PRR5: variants seen among roughly 807,000 people sequenced by gnomAD.
The protein encoded by PRR5 is proline-rich protein 5.
A neutral mutation model predicts 30.6 loss-of-function variants in PRR5; 25 were observed. The observed-to-expected ratio is 0.82, with a 90% confidence interval of 0.60 to 1.14. The LOEUF (loss-of-function observed/expected upper bound fraction) is 1.14. Ranked by LOEUF, PRR5 falls within the 50% of genes most tolerant of loss-of-function variation. PRR5 has a pLI of 0.00. For missense variants in PRR5, 600 were observed against 547.1 expected (o/e 1.10, Z -0.96); for synonymous variants, 286 against 247.1 (o/e 1.16, Z -1.48).
At chr22:44,683,958 G>T (rs552279115) in intron 1 of PRR5, among the ~76,000 whole-genome samples, 17 of 152,260 alleles carry the variant, frequency 1.1e-4, no homozygotes, top group Non-Finnish European at 1.6e-4. Flanking sequence ...CAGGAACAGG[G>T]GCTGGGCCCC....
At chr22:44,704,079 C>T (rs1400485125) in intron 1 of PRR5, among the ~76,000 whole-genome samples, 1 of 152,198 alleles carries the variant, frequency 6.6e-6, no homozygotes, top group Non-Finnish European at 1.5e-5. Context: ...GATAACAGTG[C>T]CCACCTCATG....
At position 44,691,069 on chromosome 22, in the gene PRR5, G is replaced by A. The variant is rs544680247; in HGVS notation, c.-10-11423G>A. On this transcript the variant is annotated intron_variant, in intron 1 of 8. Coordinates refer to the PRR5 transcript ENST00000006251. This position sits in a 1 kb window ranked among gnomAD's most constrained non-coding sequence, Gnocchi z 4.4. The stretch of plus-strand genomic sequence containing the variant: ...GGCAGCCTCGGGAAGGTGGATTCCC[G>A]GGGCGGGGAGGCAGGAGAGTCCTGA... Among the ~76,000 whole-genome samples, 473 of 152,148 alleles carry A rather than the reference G, an allele frequency of 3.1e-3. 2 individuals carry two copies. The highest frequency in any genetic ancestry group is 5.0e-3 in the Non-Finnish European group (341 of 67,990).
chr22:44,675,759 G>GTTA (rs1202316840), upstream of PRR5, among the ~76,000 whole-genome samples: 8 of 89,730 alleles, frequency 8.9e-5, no homozygotes, highest in African/African-American at 1.8e-4. Context: ...TACTGTTGCT[G>GTTA]TTGTTATTAT....
At chr22:44,668,887 G>C (rs1923244477) in intron 1 of PRR5, 1 of 149,388 alleles carries the variant, frequency 6.7e-6, no homozygotes, top group Admixed American at 6.7e-5. Context: ...GCGCGACCCT[G>C]CGGAAGGGGG....
chr22:44,696,817 A>G (rs377585648), intron 1 of PRR5, among the ~76,000 whole-genome samples: 15 of 151,984 alleles, frequency 9.9e-5, no homozygotes, highest in African/African-American at 3.4e-4. Flanking sequence ...GCTCACTGTA[A>G]ACTCCGCTTC....
rs1289155051 is a variant in PRR5, at chr22:44,725,346, A to G, written c.264+54A>G. The G allele has an allele frequency of 3.1e-6, 5 of 1,607,792 alleles. No homozygotes were observed. The African/African-American group carries it at 4.0e-5, about 13-fold the overall frequency. Reference sequence around the variant, plus strand: ...GGCCTGCCTCATGAGCCAGCCAGAAAGCACAGGGGCTCACCTGCCCCCGGG... The same window carrying G: ...GGCCTGCCTCATGAGCCAGCCAGAAGGCACAGGGGCTCACCTGCCCCCGGG... On this transcript the variant is annotated intron_variant, in intron 3 of 7. Transcript: ENST00000336985.
intron 1 of PRR5, among the ~76,000 whole-genome samples, chr22:44,685,701 G>A (rs1924687922): frequency 6.6e-6 from 1 of 152,236 alleles, no homozygotes; most frequent in African/African-American, 2.4e-5. Flanking sequence ...GTGGGCTGTG[G>A]TGCCTGACAC....
chr22:44,686,641 G>C (rs1924779288), intron 1 of PRR5, among the ~76,000 whole-genome samples: 1 of 152,176 alleles, frequency 6.6e-6, no homozygotes, highest in Non-Finnish European at 1.5e-5. Context: ...TCAGCCTCCT[G>C]AGTAGCTGGG....
chr22:44,692,465 T>A (rs1331666290), intron 1 of PRR5, among the ~76,000 whole-genome samples: 1 of 109,940 alleles, frequency 9.1e-6, no homozygotes, highest in Non-Finnish European at 1.9e-5. Flanking sequence ...CGGGGGAAAT[T>A]CTTCCTCCCG....
At chr22:44,669,332 C>T (rs909946964) in intron 1 of PRR5, among the ~76,000 whole-genome samples, 4 of 152,200 alleles carry the variant, frequency 2.6e-5, no homozygotes, top group Admixed American at 2.6e-4. Context: ...AGCCTGTGGC[C>T]CCCACCGCTC....
chr22:44,735,107 G>A lies in PRR5; in HGVS notation c.636G>A (p.Leu212=). The A allele has an allele frequency of 6.2e-7, 1 of 1,612,720 alleles. No homozygotes were observed. The highest frequency in any genetic ancestry group is 8.5e-7 in the Non-Finnish European group (1 of 1,179,492). ...TCCAGAAGGTGGTGTCGCCATACCTGGGCACCTACGGCCTCCACTCCAGCG... is the reference window on the plus strand; with the variant it reads ...TCCAGAAGGTGGTGTCGCCATACCTAGGCACCTACGGCCTCCACTCCAGCG... ...TLVQKVVSPY[L]GTYGLHSSEG... The change falls in exon 7 of 8, where the codon CTG becomes CTA. Residue 212 remains leucine (L), a synonymous_variant. Coordinates refer to ENST00000336985, the MANE Select transcript of PRR5 (RefSeq NM_181333.4).
chr22:44,716,858 CA>C (rs1234763882), intron 2 of PRR5, among the ~76,000 whole-genome samples: 4 of 151,886 alleles, frequency 2.6e-5, no homozygotes, highest in Non-Finnish European at 5.9e-5. Flanking sequence ...TTCAGGAGTT[CA>C]AAACCAGCCT....
chr22:44,705,525 A>G (rs527970308), intron 1 of PRR5, among the ~76,000 whole-genome samples: 3 of 151,510 alleles, frequency 2.0e-5, no homozygotes, highest in South Asian at 2.1e-4. Context: ...GGGTTTTGCC[A>G]TGTTGGTCAG....
intron 4 of PRR5, chr22:44,729,312 A>G (rs1252986951): frequency 4.1e-6 from 4 of 977,660 alleles, no homozygotes; most frequent in Non-Finnish European, 4.9e-6. Flanking sequence ...GTTGGTTTGC[A>G]GGGCCTGCAC....
intron 1 of PRR5, among the ~76,000 whole-genome samples, chr22:44,692,408 A>G (rs1357978340): frequency 3.5e-5 from 3 of 84,966 alleles, no homozygotes; most frequent in Non-Finnish European, 7.0e-5. Context: ...TCCTCCACCC[A>G]GGGATCCTCC....
intron 1 of PRR5, among the ~76,000 whole-genome samples, chr22:44,684,815 C>T (rs761228253): frequency 1.3e-5 from 2 of 152,222 alleles, no homozygotes; most frequent in South Asian, 2.1e-4. Context: ...TCCACTTGGC[C>T]GTGCTGGGTG....
chr22:44,724,464 G>C (rs528205188), intron 2 of PRR5, among the ~76,000 whole-genome samples: 1 of 152,246 alleles, frequency 6.6e-6, no homozygotes, highest in African/African-American at 2.4e-5. Context: ...TTTCCTAAAG[G>C]GAATAGCAAC....
intron 1 of PRR5, among the ~76,000 whole-genome samples, chr22:44,671,777 G>C (rs907609937): frequency 6.6e-6 from 1 of 152,208 alleles, no homozygotes; most frequent in African/African-American, 2.4e-5. Flanking sequence ...GTCTTGGCAA[G>C]TTACTTAACC....
intron 2 of PRR5, among the ~76,000 whole-genome samples, chr22:44,720,725 C>T (rs1348643163): frequency 6.6e-6 from 1 of 152,212 alleles, no homozygotes; most frequent in Admixed American, 6.5e-5. Context: ...TCTGTGCTCT[C>T]ATTGGGGTCC....
Sources: gnomAD v4.1 joint callset for allele counts (sites outside exome capture counted in the v4.1 genomes callset) on GRCh38, gnomAD v4.1.1 for gene constraint, Gnocchi (gnomAD v3.1) non-coding constraint, MANE v1.5 for transcripts, NCBI Gene and HGNC (gene_info 2026-07-23, HGNC 2026-07-21) for gene names.